The following GATAD1 variants were observed in gnomAD, a reference collection of about 807,000 sequenced individuals.
GATAD1 encodes the protein GATA zinc finger domain containing 1, also known as GATA zinc finger domain-containing protein 1.
Under a neutral mutation model 26.5 loss-of-function variants are expected in GATAD1, and 12 were observed. The observed-to-expected ratio is 0.45, with a 90% CI of 0.29 to 0.73. The LOEUF is 0.73. Among genes scored for constraint, GATAD1 ranks in the 30% least tolerant of loss-of-function variants. The pLI is 0.10. For synonymous variants in GATAD1, 129 were observed against 133.1 expected (o/e 0.97, Z 0.21); for missense variants, 266 against 342.1 (o/e 0.78, Z 1.75).
chr7:92,453,389 C>T lies in GATAD1; in HGVS notation c.436-1113C>T, dbSNP rs191469851. Among the ~76,000 whole-genome samples the T allele has an allele frequency of 7.2e-5, 11 of 152,252 alleles. No homozygotes were observed. The East Asian group carries it at 2.1e-3, about 29-fold the overall frequency. ...AGGAGAGATTATTTCCAGCTCAAGA[C>T]CCAGGGAAGAGGACATAGGATGGAT... On this transcript the variant is annotated intron_variant, in intron 3 of 4. Transcript: ENST00000287957.
At chr7:92,479,422 C>T in the GATAD1 span, among the ~76,000 whole-genome samples, 43 of 152,064 alleles carry the variant, frequency 2.8e-4, no homozygotes, top group African/African-American at 1.0e-3. Flanking sequence ...AGGTTAATTG[C>T]TCAGTTAAGG....
At chr7:92,460,799 A>AG (rs1491155981), downstream of GATAD1, among the ~76,000 whole-genome samples, 4 of 149,138 alleles carry the variant, frequency 2.7e-5, no homozygotes, top group African/African-American at 4.9e-5. Context: ...AAAAAAAAAA[A>AG]GACGGAAATT....
chr7:92,474,933 T>G, the GATAD1 span: 5 of 152,148 alleles, frequency 3.3e-5, no homozygotes, highest in African/African-American at 1.2e-4. Context: ...TGTTTACCCT[T>G]TTGTCTATCT....
chr7:92,462,051 T>C (rs1238981739), downstream of GATAD1, among the ~76,000 whole-genome samples: 1 of 152,224 alleles, frequency 6.6e-6, no homozygotes, highest in Non-Finnish European at 1.5e-5. Context: ...AATAGCAATA[T>C]GTATCTATAA....
chr7:92,491,058 G>T, the GATAD1 span, among the ~76,000 whole-genome samples: 1 of 152,136 alleles, frequency 6.6e-6, no homozygotes, highest in African/African-American at 2.4e-5. Context: ...ACAACCACGC[G>T]CTACTTTGGT....
At chr7:92,491,217 C>T in the GATAD1 span, 2 of 1,242,612 alleles carry the variant, frequency 1.6e-6, no homozygotes, top group Non-Finnish European at 1.2e-6. Flanking sequence ...TGCAACTTTA[C>T]ACCAACATAT....
Position 92,447,614 on chromosome 7 carries a change from G to T in GATAD1, c.-116G>T. 7.8e-7 allele frequency: 1 copy of T among 1,285,940 alleles called. No individual in the cohort carries two copies. The highest frequency in any genetic ancestry group is 9.9e-7 in the Non-Finnish European group (1 of 1,007,744). 79.7% of individuals were successfully genotyped at this position (1,285,940 alleles called of 1,614,324 possible). A position where few individuals can be genotyped will look rare whatever the true frequency, so the allele number is the denominator to read the frequency against. ...GTCCTTTCACCGGCAGCTCCGTGCC[G>T]ACGCTCTCACCGCTCTTCCTATCGC... On this transcript the variant is annotated 5_prime_UTR_variant, in exon 1 of 5. Transcript: ENST00000287957.
the GATAD1 span, chr7:92,468,735 T>C: frequency 1.5e-6 from 1 of 687,116 alleles, no homozygotes; most frequent in Non-Finnish European, 2.6e-6. Context: ...AAAACCTAAG[T>C]GCTGTTGGGG....
chr7:92,494,357 A>G, the GATAD1 span: 37 of 1,614,072 alleles, frequency 2.3e-5, no homozygotes, highest in East Asian at 6.5e-4. Flanking sequence ...GGCAGGGTCA[A>G]TCAAGTCAGG....
intron 2 of GATAD1, 60 bp downstream of exon 2, chr7:92,448,937 C>T (rs1206089262): frequency 6.6e-7 from 1 of 1,509,318 alleles, no homozygotes; most frequent in African/African-American, 1.4e-5. Context: ...CCTGCCACTG[C>T]CTTCATTTCT....
chr7:92,460,524 C>G (rs1789881029), downstream of GATAD1, among the ~76,000 whole-genome samples: 1 of 152,040 alleles, frequency 6.6e-6, no homozygotes, highest in African/African-American at 2.4e-5. Flanking sequence ...TAATGGTGAC[C>G]CACAAGGAAG....
At chr7:92,449,449 AT>A (rs1429534989) in intron 2 of GATAD1, 2 of 975,034 alleles carry the variant, frequency 2.1e-6, no homozygotes, top group African/African-American at 3.5e-5. Flanking sequence ...TTGAAAGCAT[AT>A]TTTTATTGCA....
the GATAD1 span, among the ~76,000 whole-genome samples, chr7:92,476,101 C>T: frequency 7.2e-5 from 11 of 152,126 alleles, no homozygotes; most frequent in Admixed American, 4.6e-4. Flanking sequence ...TAGGTCTGGT[C>T]GGACCTTTGT....
chr7:92,451,405 T>C (rs906624984), intron 3 of GATAD1, among the ~76,000 whole-genome samples: 2 of 152,216 alleles, frequency 1.3e-5, no homozygotes, highest in Non-Finnish European at 2.9e-5. Flanking sequence ...CCCCCAAGGC[T>C]CGGCAGGCCT....
downstream of GATAD1, among the ~76,000 whole-genome samples, chr7:92,464,945 T>C (rs1790044125): frequency 6.6e-6 from 1 of 152,216 alleles, no homozygotes; most frequent in African/African-American, 2.4e-5. Flanking sequence ...TAAAATTTGA[T>C]TTTGTGAATA....
chr7:92,494,107 C>T, the GATAD1 span: 14 of 588,446 alleles, frequency 2.4e-5, no homozygotes, highest in African/African-American at 2.4e-4. Flanking sequence ...CAGACTTGCA[C>T]TGGGCCAAAA....
the GATAD1 span, chr7:92,491,534 G>C: frequency 1.5e-6 from 2 of 1,297,554 alleles, no homozygotes; most frequent in Middle Eastern, 3.7e-4. Context: ...CCAGTTTAAA[G>C]ATGTAAACAA....
At chr7:92,492,244 C>T in the GATAD1 span, among the ~76,000 whole-genome samples, 1 of 152,080 alleles carries the variant, frequency 6.6e-6, no homozygotes. Flanking sequence ...TTTACTCAAG[C>T]GATCCTCCTG....
At chr7:92,484,630 AG>A in the GATAD1 span, among the ~76,000 whole-genome samples, 7 of 152,206 alleles carry the variant, frequency 4.6e-5, no homozygotes, top group African/African-American at 1.4e-4. Context: ...GGGAGATTGA[AG>A]GGTAGTGAGA....
Sources: gnomAD v4.1 joint callset for allele counts (sites outside exome capture counted in the v4.1 genomes callset) on GRCh38, gnomAD v4.1.1 for gene constraint, MANE v1.5 for transcripts, NCBI Gene and HGNC (gene_info 2026-07-23, HGNC 2026-07-21) for gene names.